HRH1: variants seen among roughly 807,000 people sequenced by gnomAD.
HRH1 encodes the protein histamine receptor H1.
A neutral mutation model predicts 10.3 loss-of-function variants in HRH1; 6 were observed. The observed-to-expected ratio is 0.58, with a 90% CI of 0.32 to 1.15. The LOEUF (loss-of-function observed/expected upper bound fraction) is 1.15. Ranked by LOEUF, HRH1 falls within the 50% of genes most tolerant of loss-of-function variation. The probability of loss-of-function intolerance (pLI) is 0.05; values close to 1 mark genes in which losing one functional copy is unlikely to be tolerated. For synonymous variants in HRH1, 242 were observed against 236.7 expected, an observed-to-expected ratio of 1.02 and a Z score of -0.21; for missense variants, 514 against 615.3, an observed-to-expected ratio of 0.84 and a Z score of 1.74.
At chr3:11,204,335 G>T (rs770673333) in intron 1 of HRH1, among the ~76,000 whole-genome samples, 3 of 152,158 alleles carry the variant, frequency 2.0e-5, no homozygotes, top group Non-Finnish European at 4.4e-5. Flanking sequence ...ATGATGTTAG[G>T]AGAGTTTATT....
intron 1 of HRH1, among the ~76,000 whole-genome samples, chr3:11,155,631 A>G (rs890982181): frequency 6.6e-6 from 1 of 152,148 alleles, no homozygotes; most frequent in African/African-American, 2.4e-5. Context: ...AGCAGACAAG[A>G]CGAGGCAGGC....
intron 1 of HRH1, among the ~76,000 whole-genome samples, chr3:11,170,633 G>A (rs1937134279): frequency 6.6e-6 from 1 of 152,230 alleles, no homozygotes; most frequent in African/African-American, 2.4e-5. Context: ...GCCGGTCAGT[G>A]GCAGAGCCAG....
At chr3:11,208,158 T>C (rs979457402) in intron 1 of HRH1, among the ~76,000 whole-genome samples, 1 of 111,132 alleles carries the variant, frequency 9.0e-6, no homozygotes, top group African/African-American at 3.0e-5. Flanking sequence ...TTTTTCTTTT[T>C]TTTTTTTTTT....
intron 1 of HRH1, among the ~76,000 whole-genome samples, chr3:11,184,463 C>T (rs1047401515): frequency 2.0e-5 from 3 of 152,116 alleles, no homozygotes; most frequent in Non-Finnish European, 4.4e-5. Context: ...GCCAGTGGAG[C>T]ACAGCCTACC....
intron 1 of HRH1, among the ~76,000 whole-genome samples, chr3:11,213,343 G>A (rs1938388186): frequency 1.3e-5 from 2 of 152,214 alleles, no homozygotes; most frequent in Admixed American, 1.3e-4. Flanking sequence ...CTTACTAGCT[G>A]TGTGACCTTG....
At chr3:11,195,961 C>T (rs1475189228) in intron 1 of HRH1, among the ~76,000 whole-genome samples, 1 of 152,164 alleles carries the variant, frequency 6.6e-6, no homozygotes, top group Admixed American at 6.5e-5. Flanking sequence ...GAGTTTTATG[C>T]CCCCCAGGAA....
At chr3:11,208,806 T>C (rs908374936) in intron 1 of HRH1, among the ~76,000 whole-genome samples, 2 of 152,246 alleles carry the variant, frequency 1.3e-5, no homozygotes, top group Non-Finnish European at 1.5e-5. Context: ...GTTTATATTG[T>C]GTCCCACTTT....
intron 1 of HRH1, among the ~76,000 whole-genome samples, chr3:11,191,300 A>G (rs1937525895): frequency 6.6e-6 from 1 of 152,218 alleles, no homozygotes; most frequent in South Asian, 2.1e-4. Flanking sequence ...GTGGGGAGCC[A>G]TGAACAACCC....
intron 1 of HRH1, among the ~76,000 whole-genome samples, chr3:11,219,690 G>T (rs1388026600): frequency 7.7e-6 from 1 of 129,090 alleles, no homozygotes; most frequent in African/African-American, 3.2e-5. Flanking sequence ...TCCAGCTCGG[G>T]CAATAAGAGT....
chr3:11,210,343 A>G (rs547326280), intron 1 of HRH1, among the ~76,000 whole-genome samples: 1 of 152,270 alleles, frequency 6.6e-6, no homozygotes, highest in East Asian at 1.9e-4. Context: ...GCCGTGAACT[A>G]TTGAACGTGC....
At chr3:11,169,169 G>T (rs1001341570) in intron 1 of HRH1, among the ~76,000 whole-genome samples, 2 of 152,174 alleles carry the variant, frequency 1.3e-5, no homozygotes, top group African/African-American at 4.8e-5. Context: ...TTCTCTCTGT[G>T]CCTCAGTCTC....
At chr3:11,212,104 C>G (rs1257062727) in intron 1 of HRH1, among the ~76,000 whole-genome samples, 2 of 152,210 alleles carry the variant, frequency 1.3e-5, no homozygotes, top group South Asian at 4.1e-4. Context: ...CGCTTGCTGT[C>G]CTGCCGTGAA....
At chr3:11,193,747 C>A (rs1047389138) in intron 1 of HRH1, among the ~76,000 whole-genome samples, 6 of 152,222 alleles carry the variant, frequency 3.9e-5, no homozygotes, top group Non-Finnish European at 8.8e-5. Context: ...ATAGACTGAG[C>A]CTTCTCACTG....
At chr3:11,145,184 C>T (rs1055606936) in intron 1 of HRH1, among the ~76,000 whole-genome samples, 42 of 152,184 alleles carry the variant, frequency 2.8e-4, no homozygotes, top group African/African-American at 9.4e-4. Flanking sequence ...AATCACAACT[C>T]TGCGGGGCCT....
chr3:11,138,364 C>A (rs906876074), intron 1 of HRH1, among the ~76,000 whole-genome samples: 2 of 151,908 alleles, frequency 1.3e-5, no homozygotes, highest in Non-Finnish European at 1.5e-5. Flanking sequence ...ACACAAAAAA[C>A]AACCCAGCCA....
rs149783280 is a variant in HRH1 at position 11,221,654 on chromosome 3, A to G, written c.-35-37349A>G. 4.8e-3 allele frequency among the ~76,000 whole-genome samples: 723 copies of G among 152,158 alleles called. 3 individuals are homozygous for G. Among genetic ancestry groups the G allele is most frequent in the Non-Finnish European group, 4.9e-3 (332 of 67,986 alleles). ...CACTAACTACATTCACAACCATGCA[A>G]TCATGTGCCCATCACCACCCATCAC... On this transcript the variant is annotated intron_variant, in intron 1 of 1. Coordinates refer to ENST00000431010, the MANE Select transcript of HRH1 (RefSeq NM_001098212.2).
At chr3:11,177,217 A>G (rs34575768) in intron 1 of HRH1, among the ~76,000 whole-genome samples, 22,631 of 151,828 alleles carry the variant, frequency 0.15, 3,222 homozygotes, top group African/African-American at 0.38. Context: ...ACCAGCCTGG[A>G]CGACAGAGTG....
At chr3:11,175,930 G>A (rs572856301) in intron 1 of HRH1, among the ~76,000 whole-genome samples, 5 of 152,146 alleles carry the variant, frequency 3.3e-5, no homozygotes, top group South Asian at 2.1e-4. Flanking sequence ...AGGCCAAGGC[G>A]GGCAGATTGT....
rs201052869 is a variant in HRH1 at position 11,259,338 on chromosome 3, C to T, written c.301C>T (p.Leu101Phe). Residue 101 changes from leucine to phenylalanine, a missense_variant, in exon 2 of 2, where the codon CTC becomes TTC. By Grantham distance (22) the Leu-to-Phe change is conservative. Transcript: ENST00000431010. This position sits in a 1 kb window ranked among gnomAD's most constrained non-coding sequence, Gnocchi z 4.6. ...GTGGTCACTGGGCCGTCCTCTCTGCCTCTTTTGGCTTTCCATGGACTATGT... is the reference window on the plus strand; with the variant it reads ...GTGGTCACTGGGCCGTCCTCTCTGCTTCTTTTGGCTTTCCATGGACTATGT... ...SKWSLGRPLC[L>F]FWLSMDYVAS... The T allele has an allele frequency of 6.2e-7, 1 of 1,613,710 alleles. No individual in the cohort carries two copies. Among genetic ancestry groups the T allele is most frequent in the Non-Finnish European group, 8.5e-7 (1 of 1,180,014 alleles).
Sources: gnomAD v4.1 joint callset for allele counts (sites outside exome capture counted in the v4.1 genomes callset) on GRCh38, gnomAD v4.1.1 for gene constraint, Gnocchi (gnomAD v3.1) non-coding constraint, MANE v1.5 for transcripts, NCBI Gene and HGNC (gene_info 2026-07-23, HGNC 2026-07-21) for gene names.